The following DBF4B variants were observed in gnomAD, a reference collection of about 807,000 sequenced individuals.
The protein encoded by DBF4B is DBF4B-CDC7 kinase regulatory subunit.
In DBF4B, 49 loss-of-function variants were observed where a neutral mutation model predicts 53.4. The ratio of observed to expected loss-of-function variants is 0.92; its 90% CI spans 0.73 to 1.16. The LOEUF (loss-of-function observed/expected upper bound fraction) is 1.16, where lower values mean the gene tolerates loss of function less well. DBF4B is among the 50% of genes most tolerant of loss of function. The probability of loss-of-function intolerance (pLI) is 0.00; values close to 1 mark genes in which losing one functional copy is unlikely to be tolerated. For synonymous variants in DBF4B, 257 were observed against 288.7 expected (o/e 0.89, Z 1.11); for missense variants, 692 against 775.0 (o/e 0.89, Z 1.27).
In DBF4B at chr17:44,722,837, T is replaced by C. The variant is rs116129783; in HGVS notation, c.83-43T>C. Reference sequence around the variant, plus strand: ...TGAGGGCCACCTGGCTTCAGGACTCTCTTTTCAAACTTCTTACTTTGCTCC... The same window carrying C: ...TGAGGGCCACCTGGCTTCAGGACTCCCTTTTCAAACTTCTTACTTTGCTCC... On this transcript the variant is annotated intron_variant, in intron 2 of 13. Coordinates refer to ENST00000315005, the MANE Select transcript of DBF4B (RefSeq NM_145663.3). 9.8e-4 allele frequency: 1,584 copies of C among 1,609,408 alleles called. 15 individuals carry two copies. In the African/African-American group the frequency reaches 0.019, roughly 20 times the overall value.
At position 44,747,380 on chromosome 17, in the gene DBF4B, C is replaced by T. The variant is rs773605402; in HGVS notation, c.940-11C>T. On this transcript the variant is annotated splice_polypyrimidine_tract_variant and intron_variant, in intron 11 of 13. Transcript: ENST00000315005. Reference sequence around the variant, plus strand: ...CATCTAATGCCCTGTGCTCCTCTCCCCCGCCGGCAGCATCTTCAGAGTGCC... The same window carrying T: ...CATCTAATGCCCTGTGCTCCTCTCCTCCGCCGGCAGCATCTTCAGAGTGCC... 6.2e-7 allele frequency: 1 copy of T among 1,613,588 alleles called. No individual in the cohort carries two copies. The highest frequency in any genetic ancestry group is 1.7e-5 in the Admixed American group (1 of 59,998).
At chr17:44,713,132 C>T (rs1050573962) in intron 2 of DBF4B, among the ~76,000 whole-genome samples, 8 of 149,300 alleles carry the variant, frequency 5.4e-5, no homozygotes, top group Non-Finnish European at 1.0e-4. Flanking sequence ...CTCCGCCTCC[C>T]GGGTTCATGC....
At chr17:44,729,332 G>A (rs1248297516) in intron 3 of DBF4B, among the ~76,000 whole-genome samples, 1 of 150,248 alleles carries the variant, frequency 6.7e-6, no homozygotes, top group Non-Finnish European at 1.5e-5. Flanking sequence ...CTCCCAAGTA[G>A]CTAGGACTAT....
intron 10 of DBF4B, 101 bp from the exon 11 acceptor site, chr17:44,746,982 G>A (rs1225462502): frequency 1.8e-6 from 2 of 1,106,940 alleles, no homozygotes; most frequent in African/African-American, 1.5e-5. Flanking sequence ...GGCCATCTTG[G>A]TCCTTCCCCT....
chr17:44,720,480 C>A, intron 2 of DBF4B: 1 of 222,508 alleles, frequency 4.5e-6, no homozygotes, highest in South Asian at 8.1e-5. Context: ...TGGGGCTTCC[C>A]TGTCTTAGAC....
In DBF4B at chr17:44,751,597, C is replaced by A; in HGVS notation, c.*344C>A. ...CCCTCTGCCCCAAAATGCCATGCTC[C>A]TCTCCTGGAAAACACTTGAGTTGAT... On this transcript the variant is annotated 3_prime_UTR_variant, in exon 14 of 14. Coordinates refer to ENST00000315005, the MANE Select transcript of DBF4B (RefSeq NM_145663.3). The A allele has an allele frequency of 1.5e-6, 2 of 1,348,128 alleles. No homozygotes were observed. The highest frequency in any genetic ancestry group is 2.9e-5 in the East Asian group (1 of 34,068). 83.5% of individuals were successfully genotyped at this position (1,348,128 alleles called of 1,614,324 possible). A position where few individuals can be genotyped will look rare whatever the true frequency, so the allele number is the denominator to read the frequency against.
At chr17:44,715,793 C>T (rs1350623973) in intron 2 of DBF4B, among the ~76,000 whole-genome samples, 2 of 138,288 alleles carry the variant, frequency 1.4e-5, no homozygotes, top group African/African-American at 2.7e-5. Flanking sequence ...GTTTGTTAGC[C>T]TAATTTCTTT....
intron 7 of DBF4B, among the ~76,000 whole-genome samples, chr17:44,734,457 A>G (rs895296815): frequency 1.3e-5 from 2 of 152,214 alleles, no homozygotes; most frequent in African/African-American, 4.8e-5. Context: ...GACCAGATAA[A>G]GTTCATAAAT....
intron 10 of DBF4B, among the ~76,000 whole-genome samples, chr17:44,742,409 CAAA>C (rs1248602974): frequency 3.8e-5 from 2 of 52,092 alleles, no homozygotes; most frequent in Non-Finnish European, 4.1e-5. Context: ...GACTCCTTCT[CAAA>C]AAAAAAAAAA....
chr17:44,733,894 C>G (rs1975088697), intron 6 of DBF4B, 196 bp from the exon 7 acceptor site: 1 of 585,270 alleles, frequency 1.7e-6, no homozygotes, highest in Non-Finnish European at 3.1e-6. Context: ...AGGTGCTGTT[C>G]CAGGGATAGA....
chr17:44,729,727 C>CACACA (rs3223649), intron 3 of DBF4B, among the ~76,000 whole-genome samples, 178 bp from the exon 4 acceptor site: 4 of 145,178 alleles, frequency 2.8e-5, no homozygotes, highest in Admixed American at 6.9e-5. Context: ...CACACACACA[C>CACACA]CCCATTAGAT....
At chr17:44,739,653 C>T (rs1310595921) in intron 9 of DBF4B, among the ~76,000 whole-genome samples, 1 of 152,232 alleles carries the variant, frequency 6.6e-6, no homozygotes, top group African/African-American at 2.4e-5. Context: ...ACTGTTACAG[C>T]CTCAGTATCT....
chr17:44,742,993 G>A (rs1976232973), intron 10 of DBF4B, among the ~76,000 whole-genome samples: 1 of 152,204 alleles, frequency 6.6e-6, no homozygotes, highest in Non-Finnish European at 1.5e-5. Context: ...GACAAAGGCT[G>A]TGGGTAAGAA....
At chr17:44,710,783 G>A (rs1208427564) in intron 2 of DBF4B, among the ~76,000 whole-genome samples, 1 of 151,834 alleles carries the variant, frequency 6.6e-6, no homozygotes, top group Admixed American at 6.6e-5. Context: ...ATGTTGCCCA[G>A]GCCGGTCTTC....
intron 9 of DBF4B, among the ~76,000 whole-genome samples, chr17:44,739,514 A>G (rs1324393903): frequency 6.6e-6 from 1 of 152,214 alleles, no homozygotes; most frequent in Non-Finnish European, 1.5e-5. Flanking sequence ...AGGCAAGTGG[A>G]GAGAACAATG....
Position 44,748,181 on chromosome 17 carries a change from G to A in DBF4B, c.1065-160G>A, listed in dbSNP as rs372968777. 1.7e-3 allele frequency among the ~76,000 whole-genome samples: 254 copies of A among 152,302 alleles called. 11 individuals are homozygous for A. In the South Asian group the frequency reaches 0.051, roughly 30 times the overall value. ...CACACAGTGCTGGTTGCTGCGGCAG[G>A]TTAGACCCAAACAGGAGGACTTTCA... is the stretch of plus-strand genomic sequence containing the variant. On this transcript the variant is annotated intron_variant, in intron 12 of 13. Coordinates refer to ENST00000315005, the MANE Select transcript of DBF4B (RefSeq NM_145663.3).
At chr17:44,743,244 C>T (rs141917437) in intron 10 of DBF4B, among the ~76,000 whole-genome samples, 199 of 152,216 alleles carry the variant, frequency 1.3e-3, no homozygotes, top group African/African-American at 4.5e-3. Flanking sequence ...GCATGTGAGG[C>T]GCCTAGGCAG....
Position 44,738,294 on chromosome 17 carries a change from T to C in DBF4B, c.668-85T>C, listed in dbSNP as rs1975661557. The C allele has an allele frequency of 2.1e-6, 3 of 1,440,394 alleles. 1 individual carries two copies. The Admixed American group carries it at 5.9e-5, about 28-fold the overall frequency. 89.2% of individuals were successfully genotyped at this position (1,440,394 alleles called of 1,614,324 possible). ...AGGCTCTTAGGCTTTGGCAGAGCCT[T>C]CCCTCTCAGCATTTCCTGCATGTGT... is the stretch of plus-strand genomic sequence containing the variant. On this transcript the variant is annotated intron_variant, in intron 8 of 13. Transcript: ENST00000315005.
In DBF4B at chr17:44,749,185, G is replaced by T; in HGVS notation, c.1189+720G>T. 7.8e-7 allele frequency: 1 copy of T among 1,289,822 alleles called. No homozygotes were observed. Among genetic ancestry groups the T allele is most frequent in the South Asian group, 1.2e-5 (1 of 81,170 alleles). The allele number at this position is 1,289,822 out of a possible 1,614,324, so 79.9% of individuals were successfully genotyped here. On this transcript the variant is annotated intron_variant, in intron 13 of 13. Coordinates refer to ENST00000315005, the MANE Select transcript of DBF4B (RefSeq NM_145663.3). This position sits in a 1 kb window ranked among gnomAD's most constrained non-coding sequence, Gnocchi z 4.4. ...CCTGCAGCCCCTGCCAGCCAGTGCG[G>T]GAGCCAGCTGTTCCCGATGCCTCTG...
Sources: gnomAD v4.1 joint callset for allele counts (sites outside exome capture counted in the v4.1 genomes callset) on GRCh38, gnomAD v4.1.1 for gene constraint, Gnocchi (gnomAD v3.1) non-coding constraint, MANE v1.5 for transcripts, NCBI Gene and HGNC (gene_info 2026-07-23, HGNC 2026-07-21) for gene names.